CDC14B: variants seen among roughly 807,000 people sequenced by gnomAD.
CDC14B encodes dual specificity protein phosphatase CDC14B.
In CDC14B, 22 loss-of-function variants were observed where a neutral mutation model predicts 64.2. That is an observed-to-expected ratio of 0.34 (90% CI 0.24 to 0.49). The LOEUF (loss-of-function observed/expected upper bound fraction) is 0.49. Among genes scored for constraint, CDC14B ranks in the 20% least tolerant of loss-of-function variants. The pLI is 0.99. For synonymous variants in CDC14B, 191 were observed against 215.8 expected (o/e 0.89, Z 1.01); for missense variants, 498 against 629.9 (o/e 0.79, Z 2.24).
downstream of CDC14B, among the ~76,000 whole-genome samples, chr9:96,496,628 G>T (rs867213666): frequency 6.6e-6 from 1 of 152,224 alleles, no homozygotes; most frequent in African/African-American, 2.4e-5. Context: ...TCTCCCTCCG[G>T]CTGGGTCCCG....
chr9:96,530,309 TGGAGA>T (rs1838252366), intron 9 of CDC14B, among the ~76,000 whole-genome samples: 1 of 150,894 alleles, frequency 6.6e-6, no homozygotes. Context: ...TTTTTTTTTT[TGGAGA>T]CAGAGTCTTG....
At chr9:96,572,548 C>T (rs1182709426) in intron 1 of CDC14B, among the ~76,000 whole-genome samples, 3 of 151,894 alleles carry the variant, frequency 2.0e-5, no homozygotes, top group African/African-American at 7.3e-5. Flanking sequence ...CTAACACAAC[C>T]TAAGAGATAA....
intron 9 of CDC14B, among the ~76,000 whole-genome samples, chr9:96,532,452 A>G (rs1289751414): frequency 6.6e-6 from 1 of 152,184 alleles, no homozygotes; most frequent in Non-Finnish European, 1.5e-5. Context: ...GCATGTTCAC[A>G]TGGGCCTCTG....
intron 1 of CDC14B, among the ~76,000 whole-genome samples, chr9:96,610,192 C>CATTT (rs1171520474): frequency 7.2e-5 from 11 of 151,882 alleles, no homozygotes; most frequent in African/African-American, 1.5e-4. Context: ...AAGAATACTT[C>CATTT]ATTTATTTAT....
downstream of CDC14B, among the ~76,000 whole-genome samples, chr9:96,499,065 G>A (rs932114173): frequency 2.6e-5 from 4 of 152,340 alleles, no homozygotes; most frequent in South Asian, 2.1e-4. Flanking sequence ...GCGTGGTGGC[G>A]CCAGCTGCCT....
chr9:96,578,822 C>T (rs1844960529), intron 1 of CDC14B, among the ~76,000 whole-genome samples: 1 of 152,066 alleles, frequency 6.6e-6, no homozygotes, highest in Admixed American at 6.6e-5. Flanking sequence ...GTATTGGTTT[C>T]TTTTTCTTTT....
chr9:96,563,354 T>C (rs1294462499), intron 3 of CDC14B, among the ~76,000 whole-genome samples: 4 of 152,160 alleles, frequency 2.6e-5, no homozygotes, highest in African/African-American at 4.8e-5. Context: ...TTTCTATTTA[T>C]ATGTTAAAAA....
At chr9:96,542,420 TAGA>T (rs1319279643) in intron 5 of CDC14B, among the ~76,000 whole-genome samples, 1 of 152,168 alleles carries the variant, frequency 6.6e-6, no homozygotes, top group Non-Finnish European at 1.5e-5. Context: ...AAATATTAGG[TAGA>T]AGGTCATAAG....
chr9:96,565,426 T>A lies in CDC14B; in HGVS notation c.218A>T (p.Tyr73Phe). Residue 73 changes from tyrosine to phenylalanine, a missense_variant, in exon 2 of 14, where the codon TAT (tyrosine) becomes TTT (phenylalanine). Coordinates refer to ENST00000375241, the MANE Select transcript of CDC14B (RefSeq NM_033331.4). ...TTCAAGTTCATTATCTATGCTGAAATAATGTACATTTGATGCACTCTTTGG... is the reference window on the plus strand; with the variant it reads ...TTCAAGTTCATTATCTATGCTGAAAAAATGTACATTTGATGCACTCTTTGG... ...SRPKSASNVH[Y>F]FSIDNELEYE... 6.2e-7 allele frequency: 1 copy of A among 1,610,214 alleles called. No individual in the cohort carries two copies. The highest frequency in any genetic ancestry group is 8.5e-7 in the Non-Finnish European group (1 of 1,176,652).
At chr9:96,606,600 C>T (rs905039797) in intron 1 of CDC14B, among the ~76,000 whole-genome samples, 65 of 148,150 alleles carry the variant, frequency 4.4e-4, no homozygotes, top group African/African-American at 1.5e-3. Context: ...GTGTTTCACA[C>T]TTGTTGCCCA....
At chr9:96,509,877 C>G in intron 12 of CDC14B, 88 bp from the exon 13 acceptor site, 1 of 782,536 alleles carries the variant, frequency 1.3e-6, no homozygotes, top group Non-Finnish European at 2.1e-6. Flanking sequence ...CACTTTAGTG[C>G]AAATTATCTT....
intron 1 of CDC14B, among the ~76,000 whole-genome samples, chr9:96,614,752 C>T (rs2119065318): frequency 6.6e-6 from 1 of 152,220 alleles, no homozygotes; most frequent in South Asian, 2.1e-4. Context: ...TCAACCTCCC[C>T]ACTTCCTCCA....
Position 96,511,183 on chromosome 9 carries a change from A to C in CDC14B, c.1344-1394T>G, listed in dbSNP as rs1448418718. The stretch of plus-strand genomic sequence containing the variant: ...CTAATATACCAAAGACAGGGCCTTA[A>C]AATAGGCTAAGATTAATAAATTTCT... On this transcript the variant is annotated intron_variant, in intron 12 of 13. Coordinates refer to ENST00000375241, the MANE Select transcript of CDC14B (RefSeq NM_033331.4). Among the ~76,000 whole-genome samples, 3 of 152,308 alleles carry C rather than the reference A, an allele frequency of 2.0e-5. No individual in the cohort carries two copies. In the East Asian group the frequency reaches 5.8e-4, roughly 29 times the overall value.
At chr9:96,509,909 T>A (rs1349215919) in intron 12 of CDC14B, 120 bp from the exon 13 acceptor site, 12 of 625,116 alleles carry the variant, frequency 1.9e-5, no homozygotes, top group Non-Finnish European at 3.3e-5. Context: ...GGATTTTCCA[T>A]CAACACATTT....
intron 9 of CDC14B, among the ~76,000 whole-genome samples, 189 bp from the exon 10 acceptor site, chr9:96,523,914 A>C (rs757095623): frequency 1.9e-4 from 29 of 152,144 alleles, no homozygotes; most frequent in Non-Finnish European, 4.4e-5. Flanking sequence ...CACATCCGGA[A>C]TGTATTTATT....
chr9:96,592,023 G>A (rs997866643), intron 1 of CDC14B, among the ~76,000 whole-genome samples: 1 of 152,138 alleles, frequency 6.6e-6, no homozygotes, highest in Non-Finnish European at 1.5e-5. Flanking sequence ...GGGATTACAG[G>A]CATGAGCCAC....
chr9:96,578,061 T>C (rs566547933), intron 1 of CDC14B, among the ~76,000 whole-genome samples: 7 of 152,270 alleles, frequency 4.6e-5, no homozygotes, highest in Non-Finnish European at 4.4e-5. Context: ...GAACACACTA[T>C]AAAAATATCT....
At chr9:96,596,728 G>A (rs1448950791) in intron 1 of CDC14B, among the ~76,000 whole-genome samples, 1 of 152,026 alleles carries the variant, frequency 6.6e-6, no homozygotes, top group Non-Finnish European at 1.5e-5. Context: ...AAGAGTAGTG[G>A]CATGTGCCTG....
rs2119132635 is a variant in CDC14B at position 96,619,531 on chromosome 9, G to T, written c.-153C>A. 1 of 206,932 alleles carries T rather than the reference G, an allele frequency of 4.8e-6. No homozygotes were observed. 12.8% of individuals were successfully genotyped at this position (206,932 alleles called of 1,614,324 possible). ...GGGCGCCGGCAGAGCCCGGCGGGAG[G>T]CGGTCGCGCAGGAGCCGGAGGAGGA... On this transcript the variant is annotated 5_prime_UTR_variant, in exon 1 of 14. Coordinates refer to ENST00000375241, the MANE Select transcript of CDC14B (RefSeq NM_033331.4).
Sources: gnomAD v4.1 joint callset for allele counts (sites outside exome capture counted in the v4.1 genomes callset) on GRCh38, gnomAD v4.1.1 for gene constraint, MANE v1.5 for transcripts, NCBI Gene and HGNC (gene_info 2026-07-23, HGNC 2026-07-21) for gene names.